The following PTPRD variants were observed in gnomAD, a reference collection of about 807,000 sequenced individuals.
PTPRD encodes the protein receptor-type tyrosine-protein phosphatase delta.
A neutral mutation model predicts 214.5 loss-of-function variants in PTPRD; 34 were observed. The observed-to-expected ratio is 0.16, with a 90% CI of 0.12 to 0.21. The LOEUF is 0.21. Among genes scored for constraint, PTPRD ranks in the 10% least tolerant of loss-of-function variants. PTPRD has a pLI of 1.00. For missense variants in PTPRD, 2,545 were observed against 2,398.7 expected, an observed-to-expected ratio of 1.06 and a Z score of -1.27; for synonymous variants, 1,128 against 845.7, an observed-to-expected ratio of 1.33 and a Z score of -5.79.
chr9:8,982,000 T>G (rs1303997822), intron 11 of PTPRD, among the ~76,000 whole-genome samples: 1 of 152,034 alleles, frequency 6.6e-6, no homozygotes, highest in Admixed American at 6.6e-5. Flanking sequence ...AGACTTACTA[T>G]AAATGAAAGT....
intron 8 of PTPRD, among the ~76,000 whole-genome samples, chr9:9,563,001 C>G (rs564217815): frequency 6.7e-4 from 102 of 152,234 alleles, no homozygotes; most frequent in African/African-American, 2.1e-3. Flanking sequence ...ATATTTATTG[C>G]TAGATGAATG....
chr9:9,891,161 G>A lies in PTPRD; in HGVS notation c.-368+47346C>T, dbSNP rs751299927. On this transcript the variant is annotated intron_variant, in intron 5 of 45. Transcript: ENST00000381196. ...ACGGGATTGTAGTCAGCCAACCAAC[G>A]GTATATGCACAGTTATGTATACATC... 3.3e-5 allele frequency among the ~76,000 whole-genome samples: 5 copies of A among 152,148 alleles called. No homozygotes were observed. In the South Asian group the frequency reaches 8.3e-4, roughly 25 times the overall value.
intron 12 of PTPRD, among the ~76,000 whole-genome samples, chr9:8,708,702 A>AC (rs2098263314): frequency 1.3e-5 from 2 of 149,244 alleles, no homozygotes; most frequent in African/African-American, 2.4e-5. Flanking sequence ...AAAAAAAAAA[A>AC]AACAGAGCTA....
At chr9:9,147,956 G>C (rs2099871465) in intron 10 of PTPRD, among the ~76,000 whole-genome samples, 1 of 152,196 alleles carries the variant, frequency 6.6e-6, no homozygotes, top group Non-Finnish European at 1.5e-5. Flanking sequence ...TTTCAGCTGA[G>C]TCTGATGCAT....
At chr9:9,609,813 T>C (rs1425452650) in intron 7 of PTPRD, among the ~76,000 whole-genome samples, 3 of 152,190 alleles carry the variant, frequency 2.0e-5, no homozygotes, top group African/African-American at 7.2e-5. Context: ...AACCAAATCC[T>C]GTTAGGCTGG....
chr9:8,550,657 C>T (rs1448544737), intron 14 of PTPRD, among the ~76,000 whole-genome samples: 3 of 152,144 alleles, frequency 2.0e-5, no homozygotes, highest in African/African-American at 7.2e-5. Flanking sequence ...CTAAATAAAT[C>T]TAAATCCATA....
chr9:9,407,986 G>C (rs1469576259), intron 8 of PTPRD, among the ~76,000 whole-genome samples: 1 of 151,658 alleles, frequency 6.6e-6, no homozygotes, highest in East Asian at 1.9e-4. Flanking sequence ...GACCTTATAA[G>C]AACAGGGAGG....
chr9:9,339,075 T>G (rs555663443), intron 9 of PTPRD, among the ~76,000 whole-genome samples: 2 of 152,186 alleles, frequency 1.3e-5, no homozygotes, highest in Admixed American at 1.3e-4. Flanking sequence ...ATCTTGTCAG[T>G]TGCCAGTGCC....
chr9:9,036,944 A>T (rs2099623796), intron 10 of PTPRD, among the ~76,000 whole-genome samples: 1 of 152,162 alleles, frequency 6.6e-6, no homozygotes, highest in South Asian at 2.1e-4. Flanking sequence ...GGATGCTTCC[A>T]ACTCTCCTTA....
intron 21 of PTPRD, among the ~76,000 whole-genome samples, chr9:8,516,668 T>C (rs1228199587): frequency 1.3e-5 from 2 of 152,012 alleles, no homozygotes; most frequent in Admixed American, 6.6e-5. Flanking sequence ...TCTCCAATAA[T>C]ATGATTATTA....
chr9:9,343,938 C>G (rs534941162), intron 9 of PTPRD, among the ~76,000 whole-genome samples: 5 of 152,266 alleles, frequency 3.3e-5, no homozygotes, highest in African/African-American at 1.2e-4. Flanking sequence ...AGCACTCCAA[C>G]TTTCTTTTGG....
intron 34 of PTPRD, among the ~76,000 whole-genome samples, chr9:8,447,250 T>C (rs1590745357): frequency 6.6e-6 from 1 of 152,328 alleles, no homozygotes; most frequent in Admixed American, 6.5e-5. Flanking sequence ...TCCTCTCTTA[T>C]CTCATTTTGT....
chr9:10,220,670 G>A (rs1476785489), intron 3 of PTPRD, among the ~76,000 whole-genome samples: 2 of 151,760 alleles, frequency 1.3e-5, no homozygotes, highest in East Asian at 1.9e-4. Flanking sequence ...CTTCATAGGA[G>A]CAAGAATGGT....
intron 3 of PTPRD, among the ~76,000 whole-genome samples, chr9:10,140,365 GAAAA>G (rs963724530): frequency 6.6e-6 from 1 of 151,040 alleles, no homozygotes; most frequent in Non-Finnish European, 1.5e-5. Context: ...GACTAATAAA[GAAAA>G]AAAGAGAGAA....
At chr9:9,208,231 G>A (rs1302136903) in intron 9 of PTPRD, among the ~76,000 whole-genome samples, 2 of 151,416 alleles carry the variant, frequency 1.3e-5, no homozygotes, top group Non-Finnish European at 2.9e-5. Flanking sequence ...AGCCAGGATG[G>A]TCTCGATCTC....
chr9:10,019,432 T>C (rs1397316232), intron 4 of PTPRD, among the ~76,000 whole-genome samples: 1 of 152,140 alleles, frequency 6.6e-6, no homozygotes, highest in Admixed American at 6.5e-5. Flanking sequence ...ACTGGGTATA[T>C]ACCCAAAGGA....
chr9:10,058,002 A>G (rs2097690860), intron 3 of PTPRD, among the ~76,000 whole-genome samples: 1 of 152,108 alleles, frequency 6.6e-6, no homozygotes, highest in African/African-American at 2.4e-5. Context: ...ACGTAAGATG[A>G]TTGCATTTTG....
At chr9:10,089,052 T>C (rs944264452) in intron 3 of PTPRD, among the ~76,000 whole-genome samples, 1 of 151,242 alleles carries the variant, frequency 6.6e-6, no homozygotes. Flanking sequence ...CTATAAAGAT[T>C]TAAAAAATTA....
chr9:8,886,072 A>C (rs1360399369), intron 11 of PTPRD, among the ~76,000 whole-genome samples: 4 of 152,188 alleles, frequency 2.6e-5, no homozygotes, highest in Non-Finnish European at 5.9e-5. Context: ...ATTGGTAGGA[A>C]AGAACTCAAA....
Sources: allele counts gnomAD v4.1 joint callset (sites outside exome capture counted in the v4.1 genomes callset), GRCh38; gene constraint gnomAD v4.1.1; transcripts MANE v1.5; gene names NCBI Gene and HGNC (gene_info 2026-07-23, HGNC 2026-07-21).